EPS15L1: variants seen among roughly 807,000 people sequenced by gnomAD.
The protein encoded by EPS15L1 is epidermal growth factor receptor substrate 15-like 1.
Under a neutral mutation model 117.1 loss-of-function variants are expected in EPS15L1, and 43 were observed. The ratio of observed to expected loss-of-function variants is 0.37; its 90% CI spans 0.29 to 0.47. The LOEUF (loss-of-function observed/expected upper bound fraction) is 0.47, where lower values mean the gene tolerates loss of function less well. Among genes scored for constraint, EPS15L1 ranks in the 20% least tolerant of loss-of-function variants. The probability of loss-of-function intolerance (pLI) is 0.99; values close to 1 mark genes in which losing one functional copy is unlikely to be tolerated. For synonymous variants in EPS15L1, 459 were observed against 470.5 expected (o/e 0.98, Z 0.32); for missense variants, 981 against 1,164.0 (o/e 0.84, Z 2.29).
At chr19:16,409,892 C>A (rs934349806) in intron 13 of EPS15L1, among the ~76,000 whole-genome samples, 10 of 136,724 alleles carry the variant, frequency 7.3e-5, no homozygotes, top group Admixed American at 6.8e-4. Context: ...GAGCTGAGAT[C>A]GCACCACTGC....
At chr19:16,467,112 C>T (rs1599701433) in intron 1 of EPS15L1, among the ~76,000 whole-genome samples, 1 of 151,604 alleles carries the variant, frequency 6.6e-6, no homozygotes. Context: ...CATTGAAAAG[C>T]AGGCACCACT....
chr19:16,425,944 A>G (rs1401028544), intron 8 of EPS15L1, among the ~76,000 whole-genome samples: 2 of 152,200 alleles, frequency 1.3e-5, no homozygotes, highest in African/African-American at 4.8e-5. Context: ...TTAGCACATC[A>G]CCATTTGGCA....
intron 1 of EPS15L1, among the ~76,000 whole-genome samples, chr19:16,461,601 CA>C (rs765460043): frequency 6.6e-4 from 101 of 151,884 alleles, no homozygotes; most frequent in Middle Eastern, 3.4e-3. Flanking sequence ...CAGCCTGGGT[CA>C]CAGAGTGAGA....
At chr19:16,466,017 CT>C (rs1417538389) in intron 1 of EPS15L1, among the ~76,000 whole-genome samples, 14 of 138,118 alleles carry the variant, frequency 1.0e-4, no homozygotes, top group Admixed American at 3.2e-4. Context: ...GAGACAGAGT[CT>C]TGCTCTGTCA....
chr19:16,416,857 G>A (rs1359609633), intron 12 of EPS15L1, among the ~76,000 whole-genome samples: 1 of 151,804 alleles, frequency 6.6e-6, no homozygotes, highest in East Asian at 1.9e-4. Context: ...GGGAATACAG[G>A]AAGTGACTGC....
chr19:16,414,406 C>CTT (rs891390673), intron 12 of EPS15L1, among the ~76,000 whole-genome samples: 1 of 147,486 alleles, frequency 6.8e-6, no homozygotes, highest in African/African-American at 2.5e-5. Flanking sequence ...TGAACTACTA[C>CTT]TTTTTTTTTT....
At chr19:16,369,676 A>AGTGTGTGTGTGT (rs10543332) in intron 22 of EPS15L1, among the ~76,000 whole-genome samples, 2,147 of 146,094 alleles carry the variant, frequency 0.015, 39 homozygotes, top group African/African-American at 0.042. Flanking sequence ...AAGAAAAAAA[A>AGTGTGTGTGTGT]GTGTGTGTGT....
At chr19:16,411,115 C>T (rs2092702146) in intron 13 of EPS15L1, among the ~76,000 whole-genome samples, 1 of 152,166 alleles carries the variant, frequency 6.6e-6, no homozygotes, top group Non-Finnish European at 1.5e-5. Flanking sequence ...TAAATGCAAA[C>T]AGGTGTTCGC....
intron 22 of EPS15L1, 52 bp downstream of exon 22, chr19:16,377,070 C>A: frequency 2.6e-6 from 4 of 1,546,762 alleles, no homozygotes; most frequent in South Asian, 1.2e-5. Flanking sequence ...CCCTGGTCCC[C>A]CGCCATCCGG....
chr19:16,382,454 A>G (rs1214763788), intron 21 of EPS15L1, among the ~76,000 whole-genome samples: 4 of 152,202 alleles, frequency 2.6e-5, no homozygotes, highest in Non-Finnish European at 5.9e-5. Context: ...AAAAGCTACT[A>G]TGAAAACCAG....
chr19:16,451,687 C>G (rs770353852), intron 1 of EPS15L1, among the ~76,000 whole-genome samples: 3 of 151,778 alleles, frequency 2.0e-5, no homozygotes, highest in African/African-American at 4.8e-5. Flanking sequence ...CGCCACCTCA[C>G]TCGTCTAATT....
chr19:16,430,139 C>T (rs569245222), intron 7 of EPS15L1, among the ~76,000 whole-genome samples: 1 of 152,314 alleles, frequency 6.6e-6, no homozygotes, highest in African/African-American at 2.4e-5. Flanking sequence ...TACCAGAGTC[C>T]CCCTCACCCT....
At chr19:16,417,018 C>G (rs2092764591) in intron 12 of EPS15L1, among the ~76,000 whole-genome samples, 1 of 152,238 alleles carries the variant, frequency 6.6e-6, no homozygotes, top group Admixed American at 6.5e-5. Context: ...CCGCTCCTCG[C>G]CATCTGAGAC....
At position 16,395,483 on chromosome 19, in the gene EPS15L1, G is replaced by A; in HGVS notation, c.1792-16C>T. The A allele has an allele frequency of 6.2e-7, 1 of 1,611,826 alleles. No homozygotes were observed. The highest frequency in any genetic ancestry group is 8.5e-7 in the Non-Finnish European group (1 of 1,178,412). On this transcript the variant is annotated splice_polypyrimidine_tract_variant and intron_variant, in intron 16 of 23. Coordinates refer to ENST00000455140, the MANE Select transcript of EPS15L1 (RefSeq NM_001258374.3). ...AAGGATCATCCTACAATTTTGTGAA[G>A]AAACAGGACAGGGATTTTATTATTT...
In EPS15L1 at chr19:16,405,996, C is replaced by A. The variant is rs369478104; in HGVS notation, c.1267-1247G>T. Among the ~76,000 whole-genome samples, 5 of 152,156 alleles carry A rather than the reference C, an allele frequency of 3.3e-5. No individual in the cohort carries two copies. The South Asian group carries it at 1.0e-3, about 32-fold the overall frequency. The stretch of plus-strand genomic sequence containing the variant: ...GCCTCGGGTGGGGTCCAGGGAGAGG[C>A]AGCAGCAGCTGGGGCCTGAGTGAGG... On this transcript the variant is annotated intron_variant, in intron 13 of 23. Transcript: ENST00000455140. The surrounding 1 kb of genome is among the most constrained non-coding windows in gnomAD (Gnocchi z 4.0).
chr19:16,392,281 G>A (rs368631545), intron 19 of EPS15L1, 23 bp downstream of exon 19: 233 of 1,613,550 alleles, frequency 1.4e-4, no homozygotes, highest in Non-Finnish European at 1.4e-4. Context: ...CAGCTCTCCC[G>A]GGCAACGTCC....
chr19:16,406,617 C>T (rs1168979703), intron 13 of EPS15L1, among the ~76,000 whole-genome samples: 1 of 152,256 alleles, frequency 6.6e-6, no homozygotes, highest in Non-Finnish European at 1.5e-5. Flanking sequence ...TAGCGCCACA[C>T]TGGCTCCTTC....
intron 22 of EPS15L1, among the ~76,000 whole-genome samples, chr19:16,373,357 G>A (rs770337165): frequency 2.0e-5 from 3 of 152,154 alleles, no homozygotes; most frequent in Admixed American, 1.3e-4. Context: ...TGTGCTGGCC[G>A]TGTGGTCTCC....
intron 1 of EPS15L1, among the ~76,000 whole-genome samples, chr19:16,457,269 C>G (rs2093206799): frequency 6.6e-6 from 1 of 152,330 alleles, no homozygotes; most frequent in East Asian, 1.9e-4. Context: ...ACGGGACATT[C>G]CCCACCCACA....
Sources: gnomAD v4.1 joint callset for allele counts (sites outside exome capture counted in the v4.1 genomes callset) on GRCh38, gnomAD v4.1.1 for gene constraint, Gnocchi (gnomAD v3.1) non-coding constraint, MANE v1.5 for transcripts, NCBI Gene and HGNC (gene_info 2026-07-23, HGNC 2026-07-21) for gene names.